The following SMIM27 variants were observed in gnomAD, a reference collection of about 807,000 sequenced individuals.
The protein encoded by SMIM27 is TOPORS antisense RNA 1 (non-protein coding).
In SMIM27, 3 loss-of-function variants were observed where a neutral mutation model predicts 1.8. The ratio of observed to expected loss-of-function variants is 1.65; its 90% CI spans 0.75 to 4.28. The LOEUF is 4.28. SMIM27 is among the 30% of genes most tolerant of loss of function. The pLI, the probability that SMIM27 is intolerant of heterozygous loss-of-function variation, is 0.02. For synonymous variants in SMIM27, 19 were observed against 13.9 expected, an observed-to-expected ratio of 1.37 and a Z score of -0.82; for missense variants, 63 against 37.0, an observed-to-expected ratio of 1.70 and a Z score of -1.83.
chr9:32,559,012 A>G, intron 1 of SMIM27: 1 of 1,271,406 alleles, frequency 7.9e-7, no homozygotes, highest in East Asian at 2.4e-5. Flanking sequence ...TCTGAAAATA[A>G]GAAATAGGTC....
downstream of SMIM27, among the ~76,000 whole-genome samples, chr9:32,556,627 T>C (rs1821462937): frequency 6.6e-6 from 1 of 152,148 alleles, no homozygotes; most frequent in African/African-American, 2.4e-5. Flanking sequence ...ATATGAGAAA[T>C]GCTACAGGAT....
chr9:32,553,666 A>C (rs1443711743), downstream of SMIM27: 2 of 512,024 alleles, frequency 3.9e-6, no homozygotes, highest in Non-Finnish European at 6.9e-6. Context: ...GAATGACCAG[A>C]AAAAGTAGGT....
At chr9:32,565,564 G>GA (rs1354210987) in intron 1 of SMIM27, 11 of 152,284 alleles carry the variant, frequency 7.2e-5, no homozygotes, top group Admixed American at 5.9e-4. Flanking sequence ...GGTAAAACCA[G>GA]AGAACAGAAG....
upstream of SMIM27, chr9:32,552,306 G>A (rs1307286505): frequency 7.3e-7 from 1 of 1,370,108 alleles, no homozygotes; most frequent in South Asian, 1.2e-5. Flanking sequence ...AGCGCTGCAC[G>A]AAGCGAGTGG....
At chr9:32,566,768 T>C (rs968648333) in exon 2 of SMIM27, 7 of 902,846 alleles carry the variant, frequency 7.8e-6, no homozygotes, top group Non-Finnish European at 1.3e-5. Context: ...GGGTGTCGGC[T>C]GCGACGTTCT....
upstream of SMIM27, chr9:32,551,833 T>C (rs1563987860): frequency 6.7e-6 from 3 of 450,558 alleles, no homozygotes; most frequent in African/African-American, 6.0e-5. Flanking sequence ...TATTTCTTCT[T>C]AGAGATATAC....
exon 2 of SMIM27, chr9:32,566,614 G>T: frequency 1.3e-6 from 1 of 788,524 alleles, no homozygotes; most frequent in Admixed American, 1.7e-5. Flanking sequence ...AATTCCTCCT[G>T]AGCCTCTGCA....
At chr9:32,562,129 G>A (rs762669317) in intron 1 of SMIM27, among the ~76,000 whole-genome samples, 7 of 152,154 alleles carry the variant, frequency 4.6e-5, no homozygotes, top group South Asian at 2.1e-4. Flanking sequence ...AGGTACATAC[G>A]GCCACGTTCA....
intron 1 of SMIM27, chr9:32,566,279 A>G: frequency 8.7e-7 from 1 of 1,149,050 alleles, no homozygotes; most frequent in South Asian, 1.2e-5. Context: ...TCTCTGAGGT[A>G]GAAAGCAGGC....
chr9:32,558,235 TC>T (rs1337872749), intron 1 of SMIM27, among the ~76,000 whole-genome samples: 1 of 151,208 alleles, frequency 6.6e-6, no homozygotes, highest in Non-Finnish European at 1.5e-5. Flanking sequence ...CCTCAGCCTC[TC>T]GAGTAGCTGG....
At chr9:32,557,105 G>A (rs1821481499), downstream of SMIM27, among the ~76,000 whole-genome samples, 1 of 146,486 alleles carries the variant, frequency 6.8e-6, no homozygotes, top group Non-Finnish European at 1.5e-5. Flanking sequence ...TGATCCACCT[G>A]CCTCTGCCTC....
chr9:32,553,691 G>A, downstream of SMIM27: 1 of 547,938 alleles, frequency 1.8e-6, no homozygotes, highest in East Asian at 3.1e-5. Flanking sequence ...TCTCATATTT[G>A]TTTAGCATGT....
At chr9:32,552,160 A>C, upstream of SMIM27, 1 of 496,304 alleles carries the variant, frequency 2.0e-6, no homozygotes, top group Non-Finnish European at 3.5e-6. Context: ...AGGTACGCCT[A>C]TCTCCTTAGT....
At chr9:32,561,471 G>C (rs1260928222) in intron 1 of SMIM27, among the ~76,000 whole-genome samples, 1 of 152,046 alleles carries the variant, frequency 6.6e-6, no homozygotes, top group Non-Finnish European at 1.5e-5. Context: ...GGGATTACAG[G>C]CACATGCCAC....
chr9:32,562,824 A>G (rs978860521), intron 1 of SMIM27, among the ~76,000 whole-genome samples: 1 of 152,220 alleles, frequency 6.6e-6, no homozygotes, highest in Admixed American at 6.5e-5. Flanking sequence ...CCCTTACATG[A>G]CATGTTCTCC....
Position 32,552,761 on chromosome 9 carries a change from T to C in SMIM27, c.46-40T>C, listed in dbSNP as rs762717216. Reference sequence around the variant, plus strand: ...AACCTGACGGGGGCGAGGGGAAATATCAGGTAGATTTCACACCTCCTTTGC... The same window carrying C: ...AACCTGACGGGGGCGAGGGGAAATACCAGGTAGATTTCACACCTCCTTTGC... On this transcript the variant is annotated intron_variant, in intron 1 of 1. Transcript: ENST00000692500. The C allele has an allele frequency of 7.1e-5, 49 of 692,726 alleles. No homozygotes were observed. In the Middle Eastern group the frequency reaches 9.3e-4, roughly 13 times the overall value. The allele number at this position is 692,726 out of a possible 1,614,324, so 42.9% of individuals were successfully genotyped here.
chr9:32,561,361 T>C (rs2119013437), intron 1 of SMIM27, among the ~76,000 whole-genome samples: 1 of 152,074 alleles, frequency 6.6e-6, no homozygotes, highest in Non-Finnish European at 1.5e-5. Flanking sequence ...AGTCTCGTTA[T>C]ATCGCTCAGG....
At chr9:32,560,042 C>T (rs1426708174) in intron 1 of SMIM27, among the ~76,000 whole-genome samples, 1 of 152,162 alleles carries the variant, frequency 6.6e-6, no homozygotes, top group Non-Finnish European at 1.5e-5. Context: ...ACTCAGAATA[C>T]AATGTGAGCA....
chr9:32,555,881 CT>C (rs1390449405), downstream of SMIM27, among the ~76,000 whole-genome samples: 1 of 152,226 alleles, frequency 6.6e-6, no homozygotes, highest in Non-Finnish European at 1.5e-5. Flanking sequence ...CAAGTAATTT[CT>C]CACACACGGG....
Sources: allele counts gnomAD v4.1 joint callset (sites outside exome capture counted in the v4.1 genomes callset), GRCh38; gene constraint gnomAD v4.1.1; transcripts MANE v1.5; gene names NCBI Gene and HGNC (gene_info 2026-07-23, HGNC 2026-07-21).